Variants in TANC2 observed in about 807,000 individuals in gnomAD.
TANC2 encodes protein TANC2.
Under a neutral mutation model 210.5 loss-of-function variants are expected in TANC2, and 26 were observed. That is an observed-to-expected ratio of 0.12 (90% confidence interval 0.09 to 0.17). The LOEUF (loss-of-function observed/expected upper bound fraction) is 0.17, where lower values mean the gene tolerates loss of function less well. Among genes scored for constraint, TANC2 ranks in the 10% least tolerant of loss-of-function variants. The pLI is 1.00. For synonymous variants in TANC2, 931 were observed against 967.1 expected, an observed-to-expected ratio of 0.96 and a Z score of 0.69; for missense variants, 2,129 against 2,608.9, an observed-to-expected ratio of 0.82 and a Z score of 4.01.
rs923523693 is a variant in TANC2, at chr17:63,034,383, G to A, written c.67+24757G>A. 5.9e-5 allele frequency among the ~76,000 whole-genome samples: 9 copies of A among 152,138 alleles called. No individual in the cohort carries two copies. The South Asian group carries it at 6.2e-4, about 11-fold the overall frequency. On this transcript the variant is annotated intron_variant, in intron 2 of 27. Coordinates refer to ENST00000689528, the Ensembl canonical transcript of TANC2. ...CTAAATATTTTAGGCCCACCGTTGA[G>A]ATCTACTGCACAGTGCTCTGATGGA...
chr17:63,202,999 T>C (rs182231989), intron 7 of TANC2, among the ~76,000 whole-genome samples: 1 of 152,150 alleles, frequency 6.6e-6, no homozygotes, highest in African/African-American at 2.4e-5. Context: ...CTGCGAACAC[T>C]TAGGTTGCTT....
Position 63,267,997 on chromosome 17 carries a change from T to G in TANC2, c.1159+124T>G. 5.5e-6 allele frequency: 6 copies of G among 1,087,436 alleles called. No individual in the cohort carries two copies. The South Asian group carries it at 8.9e-5, about 16-fold the overall frequency. 67.4% of individuals were successfully genotyped at this position (1,087,436 alleles called of 1,614,324 possible). ...CCTCCCTAAGAAGTGAAATGATCCATTTTAGCATGTGACCAGTTCATTTCT... is the reference window on the plus strand; with the variant it reads ...CCTCCCTAAGAAGTGAAATGATCCAGTTTAGCATGTGACCAGTTCATTTCT... On this transcript the variant is annotated intron_variant, in intron 9 of 27. Transcript: ENST00000689528.
chr17:63,258,136 C>G (rs2120255), intron 8 of TANC2, among the ~76,000 whole-genome samples: 2 of 151,922 alleles, frequency 1.3e-5, no homozygotes, highest in African/African-American at 4.8e-5. Flanking sequence ...GCTATTCTAC[C>G]ATAGAATTTT....
intron 8 of TANC2, among the ~76,000 whole-genome samples, chr17:63,267,016 AT>A (rs2043551536): frequency 6.6e-6 from 1 of 151,760 alleles, no homozygotes; most frequent in Admixed American, 6.6e-5. Context: ...CGCCTGGCTA[AT>A]TTTTTTGTGC....
intron 6 of TANC2, chr17:63,197,699 G>A (rs572637024): frequency 4.1e-4 from 63 of 152,214 alleles, no homozygotes; most frequent in African/African-American, 1.4e-3. Flanking sequence ...TTCTTATGTT[G>A]TGTATTTGTA....
At chr17:63,238,222 G>A in intron 8 of TANC2, 145 bp downstream of exon 8, 1 of 1,051,022 alleles carries the variant, frequency 9.5e-7, no homozygotes, top group Non-Finnish European at 1.3e-6. Flanking sequence ...TTTGTGTTTG[G>A]GTAATATACA....
intron 9 of TANC2, among the ~76,000 whole-genome samples, chr17:63,280,073 C>CT (rs1055463717): frequency 6.6e-5 from 10 of 152,042 alleles, no homozygotes; most frequent in South Asian, 2.1e-4. Flanking sequence ...TCACGTAAAG[C>CT]TTTTTTTAGC....
intron 3 of TANC2, among the ~76,000 whole-genome samples, chr17:63,083,717 G>T (rs941793079): frequency 5.9e-5 from 9 of 152,164 alleles, no homozygotes; most frequent in African/African-American, 2.2e-4. Context: ...ATTGTCAAAT[G>T]CTTTTTATGG....
Position 62,974,091 on chromosome 17 carries a change from C to T in TANC2, c.-24+7342C>T, listed in dbSNP as rs546438582. ...ACATAGCCTGTGCCCATTAAGTGTT[C>T]GTTGAATATCATGAGTTGGAGATAT... On this transcript the variant is annotated intron_variant, in intron 1 of 27. Transcript: ENST00000689528. Among the ~76,000 whole-genome samples the T allele has an allele frequency of 4.7e-4, 72 of 152,302 alleles. 1 individual carries two copies. In the East Asian group the frequency reaches 0.011, roughly 24 times the overall value.
chr17:63,317,318 C>A (rs375577813), intron 10 of TANC2, among the ~76,000 whole-genome samples: 136 of 149,546 alleles, frequency 9.1e-4, no homozygotes, highest in African/African-American at 3.2e-3. Flanking sequence ...GCCCGCCCCC[C>A]TCCTTGTCAT....
Position 63,235,428 on chromosome 17 carries a change from C to T in TANC2, c.770-2386C>T, listed in dbSNP as rs557944906. ...GTTTCCAAAGGGTTCTGTGATATTT[C>T]TGATTTCCTTTCTCAGGTGGAGCCC... On this transcript the variant is annotated intron_variant, in intron 7 of 27. Coordinates refer to ENST00000689528, the Ensembl canonical transcript of TANC2. Among the ~76,000 whole-genome samples, 23 of 152,108 alleles carry T rather than the reference C, an allele frequency of 1.5e-4. No individual in the cohort carries two copies. The South Asian group carries it at 4.6e-3, about 30-fold the overall frequency.
At chr17:62,994,265 C>G (rs1329024663) in intron 1 of TANC2, among the ~76,000 whole-genome samples, 1 of 151,744 alleles carries the variant, frequency 6.6e-6, no homozygotes, top group Admixed American at 6.6e-5. Context: ...CCTCTGCCTC[C>G]TGGGTTCCTG....
chr17:63,319,450 T>C (rs555487901), intron 11 of TANC2, among the ~76,000 whole-genome samples: 2 of 152,310 alleles, frequency 1.3e-5, no homozygotes, highest in South Asian at 4.1e-4. Flanking sequence ...GTTCAAGTGA[T>C]TCTTGTTCCT....
chr17:63,072,921 A>G (rs552197254), intron 2 of TANC2, among the ~76,000 whole-genome samples: 31 of 152,126 alleles, frequency 2.0e-4, no homozygotes, highest in Non-Finnish European at 4.1e-4. Context: ...TTTAAAAAGC[A>G]ATAGATGTTA....
chr17:63,280,022 A>G (rs1194140093), intron 9 of TANC2, among the ~76,000 whole-genome samples: 1 of 152,132 alleles, frequency 6.6e-6, no homozygotes, highest in Non-Finnish European at 1.5e-5. Flanking sequence ...TGGTTAGTTC[A>G]TAGTCAGTAT....
At chr17:63,380,176 G>A (rs2047560482) in intron 15 of TANC2, among the ~76,000 whole-genome samples, 1 of 152,120 alleles carries the variant, frequency 6.6e-6, no homozygotes, top group Non-Finnish European at 1.5e-5. Flanking sequence ...ATCACTGAGG[G>A]CAATTACTCT....
intron 2 of TANC2, among the ~76,000 whole-genome samples, chr17:63,062,518 A>G (rs904046018): frequency 3.3e-5 from 5 of 152,038 alleles, no homozygotes. Flanking sequence ...CCATGTACTC[A>G]TTTGTTCTTA....
chr17:63,020,289 C>T (rs1286852955), intron 2 of TANC2, among the ~76,000 whole-genome samples: 1 of 151,888 alleles, frequency 6.6e-6, no homozygotes, highest in Non-Finnish European at 1.5e-5. Flanking sequence ...TGATGAAGTC[C>T]AATTTATTGT....
At chr17:63,311,865 T>C (rs1451626271) in intron 9 of TANC2, among the ~76,000 whole-genome samples, 1 of 152,182 alleles carries the variant, frequency 6.6e-6, no homozygotes, top group Non-Finnish European at 1.5e-5. Context: ...ATGATTCTGT[T>C]TATATGAAAT....
Sources: gnomAD v4.1 joint callset for allele counts (sites outside exome capture counted in the v4.1 genomes callset) on GRCh38, gnomAD v4.1.1 for gene constraint, MANE v1.5 for transcripts, NCBI Gene and HGNC (gene_info 2026-07-23, HGNC 2026-07-21) for gene names.